The following RUNX3 variants were observed in gnomAD, a reference collection of about 807,000 sequenced individuals.
RUNX3 encodes RUNX family transcription factor 3, also known as runt-related transcription factor 3.
A neutral mutation model predicts 27.7 loss-of-function variants in RUNX3; 10 were observed. The observed-to-expected ratio is 0.36, with a 90% CI of 0.22 to 0.61. The LOEUF (loss-of-function observed/expected upper bound fraction) is 0.61. RUNX3 is among the 20% of genes least tolerant of loss of function. RUNX3 has a pLI of 0.72. For synonymous variants in RUNX3, 270 were observed against 269.2 expected, an observed-to-expected ratio of 1.00 and a Z score of -0.03; for missense variants, 469 against 629.5, an observed-to-expected ratio of 0.75 and a Z score of 2.73.
chr1:24,954,915 A>T (rs891503665), intron 2 of RUNX3, among the ~76,000 whole-genome samples: 1 of 152,070 alleles, frequency 6.6e-6, no homozygotes, highest in African/African-American at 2.4e-5. Context: ...GCCCCACATC[A>T]CGGCCCAGCT....
chr1:24,959,946 G>A (rs1642060406), intron 2 of RUNX3, among the ~76,000 whole-genome samples: 1 of 152,126 alleles, frequency 6.6e-6, no homozygotes, highest in Non-Finnish European at 1.5e-5. Flanking sequence ...CCACACCTTT[G>A]CCCAGGACGT....
chr1:24,930,230 G>C lies in RUNX3; in HGVS notation c.-362C>G, dbSNP rs1270861180. On this transcript the variant is annotated 5_prime_UTR_variant, in exon 1 of 5. Coordinates refer to ENST00000308873, the MANE Select transcript of RUNX3 (RefSeq NM_004350.3). The surrounding 1 kb of genome is among the most constrained non-coding windows in gnomAD (Gnocchi z 4.1). ...CCCGAAGCTCGCCCGCGGCCGCCCCGACTCCGCGGCCGCAGCCCCAGAACA... is the reference window on the plus strand; with the variant it reads ...CCCGAAGCTCGCCCGCGGCCGCCCCCACTCCGCGGCCGCAGCCCCAGAACA... The C allele has an allele frequency of 1.0e-6, 1 of 982,294 alleles. No homozygotes were observed. The highest frequency in any genetic ancestry group is 1.8e-5 in the African/African-American group (1 of 56,828). 60.8% of individuals were successfully genotyped at this position (982,294 alleles called of 1,614,324 possible). A position where few individuals can be genotyped will look rare whatever the true frequency, so the allele number is the denominator to read the frequency against.
rs747465641 is a variant in RUNX3, at chr1:24,902,431, C to T, written c.939G>A (p.Pro313=). Residue 313 remains proline (P), a synonymous_variant, in exon 5 of 5, where the codon CCG becomes CCA. Coordinates refer to ENST00000308873, the MANE Select transcript of RUNX3 (RefSeq NM_004350.3). This position sits in a 1 kb window ranked among gnomAD's most constrained non-coding sequence, Gnocchi z 9.2. ...GCCCGCTCTGGTTCTGCGGGGCCCC[C>T]GGGTAGGGTGGCGGGAGGTAGGTAT... is the stretch of plus-strand genomic sequence containing the variant. ...FHHTYLPPPY[P]GAPQNQSGPF... 1.6e-5 allele frequency: 25 copies of T among 1,610,830 alleles called. No individual in the cohort carries two copies. In the Admixed American group the frequency reaches 2.3e-4, roughly 15 times the overall value.
intron 3 of RUNX3, among the ~76,000 whole-genome samples, chr1:24,911,075 T>C (rs1405749096): frequency 2.0e-5 from 3 of 152,202 alleles, no homozygotes; most frequent in Non-Finnish European, 2.9e-5. Flanking sequence ...GAGGAAATGT[T>C]GTCCTTGCTC....
intron 3 of RUNX3, among the ~76,000 whole-genome samples, chr1:24,912,603 G>A (rs1013776962): frequency 7.9e-5 from 12 of 151,972 alleles, no homozygotes; most frequent in African/African-American, 2.4e-4. Context: ...ATGCTTGCTG[G>A]GTGCTTCCTC....
At chr1:24,914,435 C>T (rs889156790) in intron 3 of RUNX3, among the ~76,000 whole-genome samples, 2 of 152,216 alleles carry the variant, frequency 1.3e-5, no homozygotes, top group African/African-American at 4.8e-5. Context: ...AACAGCCTCG[C>T]GGAATCGCAG....
chr1:24,955,741 C>G (rs1310661817), intron 2 of RUNX3, among the ~76,000 whole-genome samples: 1 of 152,180 alleles, frequency 6.6e-6, no homozygotes. Flanking sequence ...AAATGGAAAG[C>G]TGGGACACTG....
chr1:24,949,384 G>A (rs1454789917), intron 2 of RUNX3, among the ~76,000 whole-genome samples: 1 of 152,134 alleles, frequency 6.6e-6, no homozygotes, highest in Non-Finnish European at 1.5e-5. Context: ...CCCGTGAGCA[G>A]ACCACTCATT....
chr1:24,921,138 C>T (rs1403265098), intron 2 of RUNX3, among the ~76,000 whole-genome samples: 1 of 152,208 alleles, frequency 6.6e-6, no homozygotes, highest in Non-Finnish European at 1.5e-5. Context: ...GTCCCCCTGA[C>T]ACGCCTCCAA....
At chr1:24,958,395 A>G (rs1045134267) in intron 2 of RUNX3, among the ~76,000 whole-genome samples, 9 of 152,198 alleles carry the variant, frequency 5.9e-5, no homozygotes, top group East Asian at 3.8e-4. Context: ...GCTGAATTCA[A>G]TGTTTTACAA....
At chr1:24,907,488 T>C in intron 3 of RUNX3, 71 bp from the exon 4 acceptor site, 3 of 1,471,644 alleles carry the variant, frequency 2.0e-6, no homozygotes, top group Non-Finnish European at 2.8e-6. Context: ...TGCCTCACTC[T>C]GCTGGGAAGT....
chr1:24,964,472 G>T, intron 2 of RUNX3: 1 of 1,543,534 alleles, frequency 6.5e-7, no homozygotes, highest in Non-Finnish European at 8.9e-7. Context: ...CCGGGGCCTG[G>T]CCACAGCTCC....
chr1:24,902,539 G>T lies in RUNX3; in HGVS notation c.831C>A (p.Ala277=). ...CCGAGGGCGTGGCGCTGTAGGGGAAGGCAGCTGACATGGCCCCGGGATAAT... is the reference window on the plus strand; with the variant it reads ...CCGAGGGCGTGGCGCTGTAGGGGAATGCAGCTGACATGGCCCCGGGATAAT... ...RMHYPGAMSA[A]FPYSATPSGT... is the part of the protein sequence containing the mutation. Residue 277 remains alanine, a synonymous_variant, in exon 5 of 5, where the codon GCC becomes GCA. Coordinates refer to ENST00000308873, the MANE Select transcript of RUNX3 (RefSeq NM_004350.3). The surrounding 1 kb of genome is among the most constrained non-coding windows in gnomAD (Gnocchi z 9.2). 6.3e-7 allele frequency: 1 copy of T among 1,592,486 alleles called. No homozygotes were observed. Among genetic ancestry groups the T allele is most frequent in the Non-Finnish European group, 8.6e-7 (1 of 1,164,188 alleles).
chr1:24,922,591 G>A (rs967854075), intron 2 of RUNX3, among the ~76,000 whole-genome samples: 1 of 151,796 alleles, frequency 6.6e-6, no homozygotes, highest in Non-Finnish European at 1.5e-5. Flanking sequence ...GTTGTCATTA[G>A]GCCCAATGCT....
intron 3 of RUNX3, among the ~76,000 whole-genome samples, chr1:24,909,984 G>A (rs1640765902): frequency 6.6e-6 from 1 of 152,194 alleles, no homozygotes; most frequent in African/African-American, 2.4e-5. Context: ...CTGGACCTGG[G>A]ACCCTTTAGA....
intron 3 of RUNX3, among the ~76,000 whole-genome samples, chr1:24,908,113 CGCGGTGATCCAA>C (rs1640712492): frequency 1.4e-5 from 2 of 139,378 alleles, no homozygotes; most frequent in Admixed American, 7.1e-5. Context: ...CTCTACGACA[CGCGGTGATCCAA>C]ACCTCTATGA....
intron 2 of RUNX3, among the ~76,000 whole-genome samples, chr1:24,956,469 T>TCGC: frequency 6.6e-6 from 1 of 152,314 alleles, no homozygotes; most frequent in Admixed American, 6.5e-5. Context: ...AGAGGTGGCT[T>TCGC]TCTCTCCCCC....
intron 2 of RUNX3, among the ~76,000 whole-genome samples, chr1:24,938,631 C>A (rs1174079461): frequency 6.6e-6 from 1 of 152,152 alleles, no homozygotes; most frequent in Non-Finnish European, 1.5e-5. Flanking sequence ...GAATGTCTCC[C>A]AAAAGTCATA....
intron 3 of RUNX3, among the ~76,000 whole-genome samples, chr1:24,908,064 A>ATCCGAACCTCTACGACACG (rs1640708822): frequency 2.8e-5 from 2 of 70,352 alleles, no homozygotes; most frequent in African/African-American, 1.4e-4. Context: ...TCTACGACAC[A>ATCCGAACCTCTACGACACG]CGGTGATCCG....
Sources: allele counts gnomAD v4.1 joint callset (sites outside exome capture counted in the v4.1 genomes callset), GRCh38; gene constraint gnomAD v4.1.1; non-coding constraint Gnocchi (gnomAD v3.1); transcripts MANE v1.5; gene names NCBI Gene and HGNC (gene_info 2026-07-23, HGNC 2026-07-21).